Variants in ALDH18A1 observed in about 807,000 individuals in gnomAD.
ALDH18A1 encodes the protein aldehyde dehydrogenase 18 family member A1.
ALDH18A1 carries 44 observed loss-of-function variants against 88.8 expected under a neutral mutation model. The observed-to-expected ratio is 0.50, with a 90% confidence interval of 0.39 to 0.64. ALDH18A1 has a LOEUF of 0.64. Among genes scored for constraint, ALDH18A1 ranks in the 30% least tolerant of loss-of-function variants. The pLI is 0.00. For missense variants in ALDH18A1, 782 were observed against 1,009.5 expected (o/e 0.77, Z 3.05); for synonymous variants, 331 against 372.1 (o/e 0.89, Z 1.27).
rs376664715 is a variant in ALDH18A1 at position 95,653,341 on chromosome 10, A to T, written c.37T>A (p.Phe13Ile). Residue 13 changes from phenylalanine to isoleucine, a missense_variant, in exon 2 of 18, where the codon TTC becomes ATC. Phe to Ile is a conservative substitution (Grantham distance 21). This residue lies in a region of ALDH18A1 where 94 missense variants were observed against 99.5 expected (regional missense o/e 0.94). Coordinates refer to ENST00000371224, the MANE Select transcript of ALDH18A1 (RefSeq NM_002860.4). ...ACCCAGGGCAGAAGATGTTGGTTGA[A>T]GGGCTGGAACCCACAGCGGTAAACT... ...SQVYRCGFQP[F>I]NQHLLPWVKC... 8.2e-5 allele frequency: 132 copies of T among 1,613,260 alleles called. 1 individual carries two copies. The South Asian group carries it at 1.4e-3, about 17-fold the overall frequency.
intron 2 of ALDH18A1, among the ~76,000 whole-genome samples, chr10:95,650,138 T>C (rs117898386): frequency 0.026 from 3,994 of 151,942 alleles, 71 homozygotes; most frequent in Non-Finnish European, 0.045. Context: ...GAAAAAAACA[T>C]ACGAGAAAAT....
In ALDH18A1 at chr10:95,627,460, A is replaced by C; in HGVS notation, c.1060T>G (p.Ser354Ala). Residue 354 changes from serine to alanine, a missense_variant, in exon 9 of 18, where the codon TCA (serine) becomes GCA (alanine). Coordinates refer to ENST00000371224, the MANE Select transcript of ALDH18A1 (RefSeq NM_002860.4). ...VEGKKVGTFF[S>A]EVKPAGPTVE... ...TATTTACCTGCAGGCTTTACTTCTGAAAAGAAGGTACCAACTTTCTTCCCC... is the reference window on the plus strand; with the variant it reads ...TATTTACCTGCAGGCTTTACTTCTGCAAAGAAGGTACCAACTTTCTTCCCC... 1.2e-6 allele frequency: 2 copies of C among 1,614,126 alleles called. No homozygotes were observed. The highest frequency in any genetic ancestry group is 1.7e-6 in the Non-Finnish European group (2 of 1,179,982).
intron 2 of ALDH18A1, among the ~76,000 whole-genome samples, chr10:95,647,893 G>A (rs942869330): frequency 2.0e-5 from 3 of 152,240 alleles, no homozygotes; most frequent in Non-Finnish European, 4.4e-5. Flanking sequence ...GGTTCCTGGA[G>A]GGTGGCGTGC....
At chr10:95,653,752 TG>T (rs1475233593) in intron 1 of ALDH18A1, among the ~76,000 whole-genome samples, 1 of 152,258 alleles carries the variant, frequency 6.6e-6, no homozygotes, top group Admixed American at 6.5e-5. Flanking sequence ...ATATAATTCC[TG>T]TAACAGATCC....
In ALDH18A1 at chr10:95,643,306, A is replaced by G; in HGVS notation, c.89-100T>C. The G allele has an allele frequency of 9.6e-6, 11 of 1,142,256 alleles. 1 individual carries two copies. In the South Asian group the frequency reaches 1.4e-4, roughly 15 times the overall value. 70.8% of individuals were successfully genotyped at this position (1,142,256 alleles called of 1,614,324 possible). ...AGTATTAACCAGTTTAGATACCAAAAAATAGCATTATCATTATTAACTGTG... is the reference window on the plus strand; with the variant it reads ...AGTATTAACCAGTTTAGATACCAAAGAATAGCATTATCATTATTAACTGTG... On this transcript the variant is annotated intron_variant, in intron 2 of 17. Coordinates refer to ENST00000371224, the MANE Select transcript of ALDH18A1 (RefSeq NM_002860.4).
chr10:95,633,999 G>A (rs1589535822), intron 5 of ALDH18A1, among the ~76,000 whole-genome samples: 1 of 151,944 alleles, frequency 6.6e-6, no homozygotes, highest in East Asian at 1.9e-4. Context: ...TAGAGACAGG[G>A]TTTCGCCATG....
intron 1 of ALDH18A1, among the ~76,000 whole-genome samples, chr10:95,655,857 T>G (rs1373098562): frequency 2.0e-5 from 3 of 152,212 alleles, no homozygotes; most frequent in Non-Finnish European, 4.4e-5. Flanking sequence ...TGCCCTTATC[T>G]AACTGATTTG....
At chr10:95,611,933 GC>G (rs2097835611) in intron 15 of ALDH18A1, among the ~76,000 whole-genome samples, 1 of 151,706 alleles carries the variant, frequency 6.6e-6, no homozygotes, top group Non-Finnish European at 1.5e-5. Context: ...TTGTGCCACT[GC>G]ACTCCAGCCT....
intron 11 of ALDH18A1, among the ~76,000 whole-genome samples, chr10:95,622,340 G>A (rs995023501): frequency 1.3e-5 from 2 of 152,076 alleles, no homozygotes; most frequent in Non-Finnish European, 2.9e-5. Context: ...TAGGACTACA[G>A]GCACGTATCA....
chr10:95,626,858 A>T, intron 9 of ALDH18A1, 82 bp from the exon 10 acceptor site: 5 of 1,427,932 alleles, frequency 3.5e-6, no homozygotes, highest in Middle Eastern at 3.7e-4. Flanking sequence ...AACTACCAGC[A>T]CATGCACAAG....
rs775339956 is a variant in ALDH18A1, at chr10:95,628,494, TA to T, written c.809-3del. On this transcript the variant is annotated splice_region_variant and splice_polypyrimidine_tract_variant and intron_variant, in intron 7 of 17. Transcript: ENST00000371224. Reference sequence around the variant, plus strand: ...AACCTGGGGGGCTGTCAAAAAGGCCTAAAAAATAGACAAGAGTCAGTAATAC... The same window carrying T: ...AACCTGGGGGGCTGTCAAAAAGGCCTAAAAATAGACAAGAGTCAGTAATAC... 1.2e-6 allele frequency: 2 copies of T among 1,612,712 alleles called. No homozygotes were observed. The highest frequency in any genetic ancestry group is 1.7e-6 in the Non-Finnish European group (2 of 1,179,856).
At chr10:95,619,669 C>T (rs192890425) in intron 12 of ALDH18A1, among the ~76,000 whole-genome samples, 110 of 152,214 alleles carry the variant, frequency 7.2e-4, no homozygotes, top group Admixed American at 3.0e-3. Context: ...ACAAACCTGA[C>T]AAAAACAAGA....
intron 2 of ALDH18A1, among the ~76,000 whole-genome samples, chr10:95,646,427 A>C (rs1443328342): frequency 4.6e-5 from 7 of 152,152 alleles, no homozygotes; most frequent in Admixed American, 2.6e-4. Flanking sequence ...GCAGTAGATA[A>C]GGCCTGTTAG....
Position 95,616,622 on chromosome 10 carries a change from T to C in ALDH18A1, c.1468-8A>G, listed in dbSNP as rs2097844728. ...GATAGCCAAAGCTGCCACCTGCAGA[T>C]CAAAGGGAGAGCAGTGGATCAAAGG... On this transcript the variant is annotated splice_polypyrimidine_tract_variant and splice_region_variant and intron_variant, in intron 12 of 17. Transcript: ENST00000371224. 6.2e-7 allele frequency: 1 copy of C among 1,603,432 alleles called. No homozygotes were observed. Among genetic ancestry groups the C allele is most frequent in the Non-Finnish European group, 8.5e-7 (1 of 1,174,890 alleles).
At chr10:95,632,758 G>A (rs1472300952) in intron 7 of ALDH18A1, among the ~76,000 whole-genome samples, 3 of 152,196 alleles carry the variant, frequency 2.0e-5, no homozygotes, top group Non-Finnish European at 4.4e-5. Flanking sequence ...GCACCTGGAA[G>A]TAACATTTCA....
intron 12 of ALDH18A1, among the ~76,000 whole-genome samples, chr10:95,617,468 T>C (rs904569252): frequency 4.6e-5 from 7 of 152,186 alleles, no homozygotes; most frequent in Admixed American, 6.5e-5. Context: ...AGACCAGAGC[T>C]CCTGCCAGCC....
chr10:95,616,097 G>A (rs189616150), intron 13 of ALDH18A1, among the ~76,000 whole-genome samples: 50 of 152,184 alleles, frequency 3.3e-4, no homozygotes, highest in African/African-American at 1.1e-3. Context: ...TCAACACACC[G>A]CATGACAGTT....
chr10:95,611,483 C>T, intron 15 of ALDH18A1, 41 bp from the exon 16 acceptor site: 6 of 1,604,142 alleles, frequency 3.7e-6, no homozygotes, highest in African/African-American at 1.3e-5. Flanking sequence ...ATAAAAACAA[C>T]TGAAATAAGC....
intron 17 of ALDH18A1, among the ~76,000 whole-genome samples, chr10:95,608,912 GT>G (rs2097827815): frequency 1.3e-5 from 2 of 152,162 alleles, no homozygotes; most frequent in Non-Finnish European, 2.9e-5. Flanking sequence ...TTTAGCTCTT[GT>G]TGCCCAGGCT....
Sources: allele counts gnomAD v4.1 joint callset (sites outside exome capture counted in the v4.1 genomes callset), GRCh38; gene constraint gnomAD v4.1.1; regional missense constraint gnomAD v4.1.1; transcripts MANE v1.5; gene names NCBI Gene and HGNC (gene_info 2026-07-23, HGNC 2026-07-21).